The following MAGEA11 variants were observed in gnomAD, a reference collection of about 807,000 sequenced individuals.
MAGEA11 encodes melanoma-associated antigen 11.
A neutral mutation model predicts 8.4 loss-of-function variants in MAGEA11; 1 was observed. That is an observed-to-expected ratio of 0.12 (90% confidence interval 0.04 to 0.57). The LOEUF (loss-of-function observed/expected upper bound fraction) is 0.57. MAGEA11 is among the 20% of genes least tolerant of loss of function. The pLI is 0.91. For synonymous variants in MAGEA11, 127 were observed against 119.3 expected (o/e 1.06, Z -0.42); for missense variants, 209 against 317.3 (o/e 0.66, Z 2.59).
chrX:149,703,846 A>G (rs2090364257), intron 1 of MAGEA11, among the ~76,000 whole-genome samples: 1 of 112,312 alleles, frequency 8.9e-6, no homozygotes, highest in Admixed American at 9.4e-5. Context: ...CAAACATTTT[A>G]CATACAAGTG....
intron 1 of MAGEA11, among the ~76,000 whole-genome samples, chrX:149,702,737 T>C (rs111892697): frequency 2.1e-3 from 240 of 111,642 alleles, no homozygotes; most frequent in Non-Finnish European, 3.9e-3. Context: ...ATATTACATA[T>C]GTATTTTTCC....
intron 1 of MAGEA11, among the ~76,000 whole-genome samples, chrX:149,691,164 T>C (rs2090308608): frequency 9.3e-6 from 1 of 107,284 alleles, no homozygotes; most frequent in Non-Finnish European, 1.9e-5. Flanking sequence ...TGTTTTGCGA[T>C]TTTTTTTTTA....
intron 1 of MAGEA11, among the ~76,000 whole-genome samples, chrX:149,695,916 A>G (rs73640694): frequency 0.022 from 2,464 of 111,809 alleles, 72 homozygotes; most frequent in African/African-American, 0.077. Context: ...GCCTGATTCC[A>G]CCTGACTAAT....
chrX:149,696,994 C>G (rs1397388627), intron 1 of MAGEA11, among the ~76,000 whole-genome samples: 1 of 111,812 alleles, frequency 8.9e-6, no homozygotes, highest in Non-Finnish European at 1.9e-5. Flanking sequence ...TATTCACTAT[C>G]TTGTTGTCCT....
At chrX:149,696,356 T>G (rs2090330395) in intron 1 of MAGEA11, among the ~76,000 whole-genome samples, 1 of 109,860 alleles carries the variant, frequency 9.1e-6, no homozygotes, top group African/African-American at 3.3e-5. Flanking sequence ...GGCCCTGACC[T>G]GAAGCCCTGC....
Position 149,715,938 on chromosome X carries a change from TCTC to T in MAGEA11, c.456_458del (p.Ser153del). ...GCTGAGGAGCAGGAGGCTGCCTTCT[TCTC>T]CTCTACTCTGAATGTGGGCACTCTA... is the stretch of plus-strand genomic sequence containing the variant. On this transcript the variant is annotated inframe_deletion, in exon 5 of 5. Transcript: ENST00000355220. 3 of 1,210,959 alleles carry T rather than the reference TCTC, an allele frequency of 2.5e-6. No homozygotes were observed. Among genetic ancestry groups the T allele is most frequent in the African/African-American group, 1.7e-5 (1 of 57,584 alleles).
At chrX:149,705,160 G>A (rs1035844113) in intron 1 of MAGEA11, among the ~76,000 whole-genome samples, 1 of 112,531 alleles carries the variant, frequency 8.9e-6, no homozygotes, top group Admixed American at 9.4e-5. Flanking sequence ...ATTGGCACAG[G>A]GAAGAGCTGG....
chrX:149,702,565 T>C (rs1002479917), intron 1 of MAGEA11, among the ~76,000 whole-genome samples: 1 of 111,218 alleles, frequency 9.0e-6, no homozygotes, highest in East Asian at 2.8e-4. Flanking sequence ...TTTAGATGTA[T>C]ACATCTATAT....
Position 149,716,189 on chromosome X carries a change from C to T in MAGEA11, c.703C>T (p.Arg235Cys), listed in dbSNP as rs375829618. ...KIIDLVHLLLRKYRVKGLITK... is the reference protein window; with the variant it reads ...KIIDLVHLLLCKYRVKGLITK... ...AATTGATTTGGTTCATTTATTGCTC[C>T]GCAAGTATCGAGTCAAGGGGCTGAT... Residue 235 changes from arginine (R) to cysteine (C), a missense_variant, in exon 5 of 5, where the codon CGC (arginine) becomes TGC (cysteine). Coordinates refer to ENST00000355220, the MANE Select transcript of MAGEA11 (RefSeq NM_005366.5). The T allele has an allele frequency of 2.4e-5, 29 of 1,210,137 alleles. No homozygotes were observed. Among genetic ancestry groups the T allele is most frequent in the African/African-American group, 1.2e-4 (7 of 57,258 alleles).
intron 1 of MAGEA11, among the ~76,000 whole-genome samples, chrX:149,700,327 A>G: frequency 8.9e-6 from 1 of 112,299 alleles, no homozygotes; most frequent in East Asian, 2.8e-4. Context: ...TGTGCAATCA[A>G]CAATGCAAGC....
At position 149,715,895 on chromosome X, in the gene MAGEA11, G is replaced by A; in HGVS notation, c.409G>A (p.Gly137Ser). ...QAQEEDLGLV[G>S]AQALQAEEQE... ...CCAAGAAGAAGACCTGGGCCTGGTG[G>A]GTGCACAGGCTCTCCAAGCTGAGGA... The change falls in exon 5 of 5, where the codon GGT becomes AGT. Residue 137 changes from glycine (G) to serine (S), a missense_variant. Around this residue, in one of 2 missense-constraint regions of MAGEA11, gnomAD observed 131 missense variants for 138.5 expected, o/e 0.95. Transcript: ENST00000355220. The A allele has an allele frequency of 8.3e-7, 1 of 1,211,443 alleles. No individual in the cohort carries two copies. The highest frequency in any genetic ancestry group is 1.1e-6 in the Non-Finnish European group (1 of 895,409).
chrX:149,703,480 A>G, intron 1 of MAGEA11, among the ~76,000 whole-genome samples: 1 of 109,994 alleles, frequency 9.1e-6, no homozygotes, highest in African/African-American at 3.3e-5. Flanking sequence ...CACCTGGAGG[A>G]CTCTCCCTTG....
upstream of MAGEA11, chrX:149,688,723 T>C (rs868906152): frequency 3.3e-5 from 8 of 240,634 alleles, no homozygotes; most frequent in African/African-American, 1.2e-4. Context: ...TACACATACA[T>C]ATACATATAC....
upstream of MAGEA11, chrX:149,711,983 C>G (rs2090403580): frequency 2.7e-6 from 2 of 730,345 alleles, no homozygotes; most frequent in Non-Finnish European, 3.2e-6. Context: ...TCGCCCCGCC[C>G]CCACACGGGC....
At chrX:149,708,160 G>C (rs2090385128), upstream of MAGEA11, among the ~76,000 whole-genome samples, 1 of 112,286 alleles carries the variant, frequency 8.9e-6, no homozygotes, top group South Asian at 3.7e-4. Flanking sequence ...AGTTGCAATA[G>C]CTTTTGAGAA....
chrX:149,702,736 A>C (rs1313143996), intron 1 of MAGEA11, among the ~76,000 whole-genome samples: 1 of 111,314 alleles, frequency 9.0e-6, no homozygotes. Context: ...TATATTACAT[A>C]TGTATTTTTC....
intron 2 of MAGEA11, chrX:149,713,955 G>A (rs994438799): frequency 8.8e-6 from 1 of 113,519 alleles, no homozygotes; most frequent in African/African-American, 3.2e-5. Flanking sequence ...CATGTGCCAT[G>A]CTCACATTTC....
intron 1 of MAGEA11, among the ~76,000 whole-genome samples, chrX:149,694,315 C>T (rs983952619): frequency 1.2e-4 from 14 of 112,115 alleles, no homozygotes; most frequent in African/African-American, 3.2e-4. Flanking sequence ...TGATGACTAA[C>T]GATGTTGAGC....
chrX:149,716,900 G>GACTTCTCTCATCA lies in MAGEA11; in HGVS notation c.*125_*126insCTTCTCTCATCAA. On this transcript the variant is annotated 3_prime_UTR_variant, in exon 5 of 5. Transcript: ENST00000355220. Reference sequence around the variant, plus strand: ...ATTCTTCCCTCTGTGTTTGATGAGAGAAGTCAGTGTTCTCAGTAGTAGAAG... The same window carrying GACTTCTCTCATCA: ...ATTCTTCCCTCTGTGTTTGATGAGAGACTTCTCTCATCAAAGTCAGTGTTCTCAGTAGTAGAAG... 1 of 662,717 alleles carries GACTTCTCTCATCA rather than the reference G, an allele frequency of 1.5e-6. No homozygotes were observed. Among genetic ancestry groups the GACTTCTCTCATCA allele is most frequent in the Non-Finnish European group, 2.3e-6 (1 of 440,076 alleles). 54.6% of individuals were successfully genotyped at this position (662,717 alleles called of 1,213,427 possible). A position where few individuals can be genotyped will look rare whatever the true frequency, so the allele number is the denominator to read the frequency against.
Sources: gnomAD v4.1 joint callset for allele counts (sites outside exome capture counted in the v4.1 genomes callset) on GRCh38, gnomAD v4.1.1 for gene constraint, gnomAD v4.1.1 regional missense constraint, MANE v1.5 for transcripts, NCBI Gene and HGNC (gene_info 2026-07-23, HGNC 2026-07-21) for gene names.